The following SLC71A1 variants were observed in gnomAD, a reference collection of about 807,000 sequenced individuals.
SLC71A1 encodes hippocampus abundant gene transcript 1.
chr1:100,070,116 T>C, the SLC71A1 span, among the ~76,000 whole-genome samples: 2 of 152,142 alleles, frequency 1.3e-5, no homozygotes, highest in Non-Finnish European at 2.9e-5. Flanking sequence ...TGTAAACATA[T>C]CAGATGTATT....
chr1:100,057,600 C>T, the SLC71A1 span, among the ~76,000 whole-genome samples: 2 of 152,050 alleles, frequency 1.3e-5, no homozygotes, highest in African/African-American at 2.4e-5. Context: ...GTGATCCATC[C>T]GCCTCTTCCT....
the SLC71A1 span, among the ~76,000 whole-genome samples, chr1:100,053,351 T>G: frequency 2.0e-5 from 3 of 152,170 alleles, no homozygotes; most frequent in Non-Finnish European, 4.4e-5. Flanking sequence ...CTCTTAAAAG[T>G]CTGTTAATCT....
the SLC71A1 span, among the ~76,000 whole-genome samples, chr1:100,055,022 T>C: frequency 1.3e-5 from 2 of 152,188 alleles, no homozygotes; most frequent in Non-Finnish European, 2.9e-5. Flanking sequence ...TTGGAAAGCA[T>C]AGAATATTTC....
the SLC71A1 span, chr1:100,069,765 T>C: frequency 2.4e-6 from 2 of 850,654 alleles, no homozygotes; most frequent in South Asian, 2.8e-5. Context: ...AGTGATGGTA[T>C]CTTGGTGGAA....
At chr1:100,038,212 C>A in the SLC71A1 span, 1 of 1,549,850 alleles carries the variant, frequency 6.5e-7, no homozygotes. Flanking sequence ...TGCAGCAGCG[C>A]CAGGAATCGA....
chr1:100,059,144 G>GTTTTTTTTTTTTTGTTTTTTTTTTTTTTT, the SLC71A1 span, among the ~76,000 whole-genome samples: 6 of 75,428 alleles, frequency 8.0e-5, no homozygotes, highest in African/African-American at 3.5e-4. Context: ...TCTTTTTCGT[G>GTTTTTTTTTTTTTGTTTTTTTTTTTTTTT]TTTTTTTTTT....
chr1:100,040,233 A>G, the SLC71A1 span, among the ~76,000 whole-genome samples: 5 of 152,244 alleles, frequency 3.3e-5, no homozygotes, highest in Non-Finnish European at 5.9e-5. Context: ...ATTTTGTACT[A>G]GCACATTCCT....
At chr1:100,065,479 CT>C in the SLC71A1 span, among the ~76,000 whole-genome samples, 121 of 148,356 alleles carry the variant, frequency 8.2e-4, no homozygotes, top group African/African-American at 2.9e-3. Context: ...CTTTGCCCTT[CT>C]CTTCCCCCTC....
chr1:100,039,563 T>G, the SLC71A1 span, among the ~76,000 whole-genome samples: 9 of 152,230 alleles, frequency 5.9e-5, no homozygotes, highest in Non-Finnish European at 1.2e-4. Context: ...CTCAAGTTCT[T>G]TTTATTGAAC....
At chr1:100,041,965 T>C in the SLC71A1 span, among the ~76,000 whole-genome samples, 1 of 152,082 alleles carries the variant, frequency 6.6e-6, no homozygotes, top group South Asian at 2.1e-4. Context: ...TTTTCATGTA[T>C]GTAACATTCA....
At chr1:100,060,018 T>C in the SLC71A1 span, 1 of 1,589,224 alleles carries the variant, frequency 6.3e-7, no homozygotes. Flanking sequence ...ATGTGCACAT[T>C]TAGATTATAG....
At chr1:100,050,393 G>A in the SLC71A1 span, among the ~76,000 whole-genome samples, 196 of 152,176 alleles carry the variant, frequency 1.3e-3, no homozygotes, top group African/African-American at 4.4e-3. Flanking sequence ...TGTTCATTTG[G>A]GCTAAGTACC....
the SLC71A1 span, among the ~76,000 whole-genome samples, chr1:100,066,574 C>T: frequency 2.6e-5 from 4 of 152,236 alleles, no homozygotes; most frequent in Non-Finnish European, 4.4e-5. Flanking sequence ...GTTCTTCCAG[C>T]GTGGCCCAGG....
At chr1:100,055,206 C>T in the SLC71A1 span, among the ~76,000 whole-genome samples, 2 of 152,028 alleles carry the variant, frequency 1.3e-5, no homozygotes, top group African/African-American at 4.8e-5. Context: ...TGCAGTAGGC[C>T]CTATGTGATT....
At chr1:100,072,779 T>G in the SLC71A1 span, among the ~76,000 whole-genome samples, 7 of 152,140 alleles carry the variant, frequency 4.6e-5, no homozygotes, top group Non-Finnish European at 8.8e-5. Context: ...CCCCATTACT[T>G]CCTGGGCACC....
At chr1:100,053,282 C>T in the SLC71A1 span, among the ~76,000 whole-genome samples, 1 of 152,104 alleles carries the variant, frequency 6.6e-6, no homozygotes, top group Non-Finnish European at 1.5e-5. Context: ...CCACTCCTCC[C>T]CAGCATTGTG....
At chr1:100,061,741 G>T in the SLC71A1 span, 1 of 767,278 alleles carries the variant, frequency 1.3e-6, no homozygotes. Flanking sequence ...TGACTGAAAT[G>T]AGCTGCTCTT....
chr1:100,074,424 A>C, the SLC71A1 span, among the ~76,000 whole-genome samples: 4 of 152,124 alleles, frequency 2.6e-5, no homozygotes, highest in Admixed American at 6.5e-5. Context: ...AAAATGCAAA[A>C]AAAATTTAGC....
the SLC71A1 span, among the ~76,000 whole-genome samples, chr1:100,070,676 A>G: frequency 1.7e-3 from 261 of 152,296 alleles, no homozygotes; most frequent in African/African-American, 5.9e-3. Flanking sequence ...AGTGACCACC[A>G]TAATTCTCTC....
Sources: gnomAD v4.1 joint callset for allele counts (sites outside exome capture counted in the v4.1 genomes callset) on GRCh38, gnomAD v4.1.1 for gene constraint, MANE v1.5 for transcripts, NCBI Gene and HGNC (gene_info 2026-07-23, HGNC 2026-07-21) for gene names.